The following ZNF248 variants were observed in gnomAD, a reference collection of about 807,000 sequenced individuals.
ZNF248 encodes the protein zinc finger protein 248, also known as KRAB protein domain.
ZNF248 carries 20 observed loss-of-function variants against 44.3 expected under a neutral mutation model. The ratio of observed to expected loss-of-function variants is 0.45; its 90% CI spans 0.32 to 0.66. The LOEUF is 0.66. Ranked by LOEUF, ZNF248 falls within the 30% of genes least tolerant of loss-of-function variation. The probability of loss-of-function intolerance (pLI) is 0.04; values close to 1 mark genes in which losing one functional copy is unlikely to be tolerated. For synonymous variants in ZNF248, 224 were observed against 229.0 expected (o/e 0.98, Z 0.20); for missense variants, 654 against 677.0 (o/e 0.97, Z 0.38).
At chr10:37,792,157 C>T (rs1221086581) in intron 6 of ZNF248, among the ~76,000 whole-genome samples, 1 of 152,152 alleles carries the variant, frequency 6.6e-6, no homozygotes, top group African/African-American at 2.4e-5. Context: ...GATGTAATTT[C>T]ATGATAGCTC....
chr10:37,829,921 A>C lies in ZNF248; in HGVS notation c.*1694T>G. On this transcript the variant is annotated 3_prime_UTR_variant, in exon 6 of 6. Transcript: ENST00000395867. ...CTTACCACCTAAGTCATCTGGGAGA[A>C]GGATGCACAAAAATATAAAATTTAG... is the stretch of plus-strand genomic sequence containing the variant. The C allele has an allele frequency of 2.0e-6, 2 of 985,416 alleles. No homozygotes were observed. Among genetic ancestry groups the C allele is most frequent in the Non-Finnish European group, 2.4e-6 (2 of 829,928 alleles). The allele number at this position is 985,416 out of a possible 1,614,324, so 61.0% of individuals were successfully genotyped here. A position where few individuals can be genotyped will look rare whatever the true frequency, so the allele number is the denominator to read the frequency against.
At chr10:37,851,794 A>G (rs1714518809) in intron 3 of ZNF248, among the ~76,000 whole-genome samples, 1 of 149,680 alleles carries the variant, frequency 6.7e-6, no homozygotes, top group African/African-American at 2.5e-5. Context: ...AAAAAAAAAA[A>G]CCAGTGCTAA....
intron 6 of ZNF248, among the ~76,000 whole-genome samples, chr10:37,813,165 C>T (rs927515517): frequency 3.9e-5 from 6 of 152,070 alleles, no homozygotes; most frequent in Non-Finnish European, 5.9e-5. Flanking sequence ...CAAAGCCCGA[C>T]CATGAGGCGT....
At chr10:37,772,584 G>A (rs2046300938), downstream of ZNF248, among the ~76,000 whole-genome samples, 1 of 152,156 alleles carries the variant, frequency 6.6e-6, no homozygotes, top group African/African-American at 2.4e-5. Context: ...CTCTGATAAT[G>A]GCCAAATCAA....
rs180698801 is a variant in ZNF248 at position 37,856,333 on chromosome 10, G to A, written c.-23C>T. The A allele has an allele frequency of 2.5e-6, 4 of 1,613,338 alleles. No individual in the cohort carries two copies. Among genetic ancestry groups the A allele is most frequent in the African/African-American group, 1.3e-5 (1 of 74,980 alleles). ...CATTTTCCGCTCTTAGTGGAGGAAGGAGAGCTGAAGGATTAGAAAGGAAGA... is the reference window on the plus strand; with the variant it reads ...CATTTTCCGCTCTTAGTGGAGGAAGAAGAGCTGAAGGATTAGAAAGGAAGA... On this transcript the variant is annotated 5_prime_UTR_variant, in exon 3 of 6. Coordinates refer to ENST00000395867, the MANE Select transcript of ZNF248 (RefSeq NM_021045.3).
At chr10:37,823,162 T>C (rs2053749424) in intron 6 of ZNF248, among the ~76,000 whole-genome samples, 2 of 151,552 alleles carry the variant, frequency 1.3e-5, no homozygotes, top group South Asian at 2.1e-4. Context: ...GGTAAAGCCC[T>C]GTCTCTACTA....
At position 37,806,599 on chromosome 10, in the gene ZNF248, G is replaced by A. The variant is rs143241047; in HGVS notation, c.330+26426C>T. Among the ~76,000 whole-genome samples the A allele has an allele frequency of 4.6e-3, 699 of 151,508 alleles. 7 individuals are homozygous for A. The highest frequency in any genetic ancestry group is 0.016 in the African/African-American group (671 of 41,298). On this transcript the variant is annotated intron_variant, in intron 6 of 6. Coordinates refer to the ZNF248 transcript ENST00000615949. ...TTTTAATCAATTTGTTCATTTTGTT[G>A]TTGTTGAGTTTTAGGAGTTATCTAT...
At chr10:37,772,566 A>G (rs1344302575), downstream of ZNF248, among the ~76,000 whole-genome samples, 1 of 152,196 alleles carries the variant, frequency 6.6e-6, no homozygotes, top group Non-Finnish European at 1.5e-5. Flanking sequence ...ATGGGTAAAT[A>G]CTTGGGGCTC....
At position 37,831,391 on chromosome 10, in the gene ZNF248, A is replaced by G; in HGVS notation, c.*224T>C. 2 of 1,531,084 alleles carry G rather than the reference A, an allele frequency of 1.3e-6. No individual in the cohort carries two copies. The highest frequency in any genetic ancestry group is 1.2e-5 in the South Asian group (1 of 80,840). 94.8% of individuals were successfully genotyped at this position (1,531,084 alleles called of 1,614,324 possible). A position where few individuals can be genotyped will look rare whatever the true frequency, so the allele number is the denominator to read the frequency against. Reference sequence around the variant, plus strand: ...GGTATCACGTCTGGAATATAACACTAAACAACATAAATTCCAGATAAATAT... The same window carrying G: ...GGTATCACGTCTGGAATATAACACTGAACAACATAAATTCCAGATAAATAT... On this transcript the variant is annotated 3_prime_UTR_variant, in exon 6 of 6. Coordinates refer to ENST00000395867, the MANE Select transcript of ZNF248 (RefSeq NM_021045.3).
At position 37,830,086 on chromosome 10, in the gene ZNF248, G is replaced by GT; in HGVS notation, c.*1528dup. 2.0e-6 allele frequency: 2 copies of GT among 985,394 alleles called. No homozygotes were observed. The highest frequency in any genetic ancestry group is 2.4e-6 in the Non-Finnish European group (2 of 829,930). The allele number at this position is 985,394 out of a possible 1,614,324, so 61.0% of individuals were successfully genotyped here. On this transcript the variant is annotated 3_prime_UTR_variant, in exon 6 of 6. Coordinates refer to ENST00000395867, the MANE Select transcript of ZNF248 (RefSeq NM_021045.3). ...TCTAAAATACTAATACGCAGAACTAGTGTTACATAGACCGTGCCCAAACAG... is the reference window on the plus strand; with the variant it reads ...TCTAAAATACTAATACGCAGAACTAGTTGTTACATAGACCGTGCCCAAACAG...
chr10:37,844,873 C>T lies in ZNF248; in HGVS notation c.16-6762G>A, dbSNP rs188351153. On this transcript the variant is annotated intron_variant, in intron 3 of 5. Coordinates refer to ENST00000395867, the MANE Select transcript of ZNF248 (RefSeq NM_021045.3). ...GAAGTGAGTCCTTCCTTCTTAGAAACGACTTTAACTATTTCCTTCCTTTCC... is the reference window on the plus strand; with the variant it reads ...GAAGTGAGTCCTTCCTTCTTAGAAATGACTTTAACTATTTCCTTCCTTTCC... 1.3e-3 allele frequency among the ~76,000 whole-genome samples: 194 copies of T among 149,036 alleles called. 1 individual carries two copies. Among genetic ancestry groups the T allele is most frequent in the Admixed American group, 3.3e-3 (49 of 14,816 alleles).
the ZNF248 span, among the ~76,000 whole-genome samples, chr10:37,768,737 C>G: frequency 6.6e-6 from 1 of 152,138 alleles, no homozygotes; most frequent in African/African-American, 2.4e-5. Flanking sequence ...CAAACACACT[C>G]AAATGCTAGC....
intron 3 of ZNF248, among the ~76,000 whole-genome samples, chr10:37,839,946 A>G (rs1233991827): frequency 2.0e-5 from 3 of 152,220 alleles, no homozygotes; most frequent in Non-Finnish European, 4.4e-5. Flanking sequence ...ACACACCTTA[A>G]CGAACTTAAT....
intron 6 of ZNF248, chr10:37,784,270 G>A (rs1420372897): frequency 2.6e-5 from 4 of 152,282 alleles, no homozygotes; most frequent in African/African-American, 9.6e-5. Context: ...CCAGATGTTA[G>A]AGTCCTCATC....
chr10:37,827,340 T>C (rs1406071709), downstream of ZNF248, among the ~76,000 whole-genome samples: 2 of 152,164 alleles, frequency 1.3e-5, no homozygotes, highest in South Asian at 2.1e-4. Flanking sequence ...CCCACTTTTG[T>C]AGAGAGGATA....
At chr10:37,852,184 T>C (rs1564677186) in intron 3 of ZNF248, among the ~76,000 whole-genome samples, 3 of 151,848 alleles carry the variant, frequency 2.0e-5, no homozygotes, top group Admixed American at 6.6e-5. Context: ...GAGGCAGAGA[T>C]TGCAGTGAGC....
chr10:37,820,868 T>C, intron 6 of ZNF248: 1 of 1,256,520 alleles, frequency 8.0e-7, no homozygotes, highest in Non-Finnish European at 1.2e-6. Context: ...TATTTCTTCT[T>C]GCATATTTAT....
chr10:37,788,727 G>A (rs2133029653), intron 6 of ZNF248, among the ~76,000 whole-genome samples: 1 of 152,286 alleles, frequency 6.6e-6, no homozygotes, highest in Non-Finnish European at 1.5e-5. Flanking sequence ...TACTAGAATA[G>A]TTATTATAAA....
In ZNF248 at chr10:37,831,499, T is replaced by C; in HGVS notation, c.*116A>G. On this transcript the variant is annotated 3_prime_UTR_variant, in exon 6 of 6. Coordinates refer to ENST00000395867, the MANE Select transcript of ZNF248 (RefSeq NM_021045.3). Reference sequence around the variant, plus strand: ...AGTTTTAATTTTTCTTGAAAGCTTTTACATATTCAAACAAGAAGTCATTTT... The same window carrying C: ...AGTTTTAATTTTTCTTGAAAGCTTTCACATATTCAAACAAGAAGTCATTTT... 1 of 1,469,116 alleles carries C rather than the reference T, an allele frequency of 6.8e-7. No homozygotes were observed. The highest frequency in any genetic ancestry group is 9.0e-7 in the Non-Finnish European group (1 of 1,112,114). The allele number at this position is 1,469,116 out of a possible 1,614,324, so 91.0% of individuals were successfully genotyped here.
Sources: gnomAD v4.1 joint callset for allele counts (sites outside exome capture counted in the v4.1 genomes callset) on GRCh38, gnomAD v4.1.1 for gene constraint, MANE v1.5 for transcripts, NCBI Gene and HGNC (gene_info 2026-07-23, HGNC 2026-07-21) for gene names.